Variants in GPD2 observed in about 807,000 individuals in gnomAD.
GPD2 encodes the protein glycerol-3-phosphate dehydrogenase, mitochondrial.
GPD2 carries 54 observed loss-of-function variants against 82.4 expected under a neutral mutation model. The observed-to-expected ratio is 0.66, with a 90% confidence interval of 0.53 to 0.82. The LOEUF (loss-of-function observed/expected upper bound fraction) is 0.82, where lower values mean the gene tolerates loss of function less well. GPD2 is among the 40% of genes least tolerant of loss of function. The probability of loss-of-function intolerance (pLI) is 0.00; values close to 1 mark genes in which losing one functional copy is unlikely to be tolerated. For missense variants in GPD2, 748 were observed against 896.2 expected (o/e 0.83, Z 2.11); for synonymous variants, 288 against 306.1 (o/e 0.94, Z 0.62).
intron 1 of GPD2, among the ~76,000 whole-genome samples, chr2:156,465,475 C>T (rs1389082382): frequency 1.3e-5 from 2 of 151,450 alleles, no homozygotes; most frequent in Non-Finnish European, 2.9e-5. Flanking sequence ...AATCCTCCCA[C>T]TTCAGTCTCC....
At chr2:156,504,642 G>A (rs553341112) in intron 3 of GPD2, among the ~76,000 whole-genome samples, 1 of 151,638 alleles carries the variant, frequency 6.6e-6, no homozygotes, top group African/African-American at 2.4e-5. Context: ...ATATAATCTT[G>A]CAGCACTATC....
At position 156,543,920 on chromosome 2, in the gene GPD2, A is replaced by G. The variant is rs1686425585; in HGVS notation, c.662-5688A>G. Among the ~76,000 whole-genome samples the G allele has an allele frequency of 2.0e-5, 3 of 152,226 alleles. No individual in the cohort carries two copies. The South Asian group carries it at 6.2e-4, about 31-fold the overall frequency. ...TTATAGTATTTCTATAGAAAAAAGA[A>G]TTGAGTTCCAAACATACAGTTTTGA... On this transcript the variant is annotated intron_variant, in intron 6 of 16. Coordinates refer to ENST00000438166, the MANE Select transcript of GPD2 (RefSeq NM_000408.5).
At chr2:156,574,209 T>C (rs1687737583) in intron 13 of GPD2, among the ~76,000 whole-genome samples, 1 of 141,892 alleles carries the variant, frequency 7.0e-6, no homozygotes, top group Non-Finnish European at 1.6e-5. Context: ...GGCAGGAACA[T>C]TTAGAGAAAA....
At chr2:156,409,650 T>C in the GPD2 span, among the ~76,000 whole-genome samples, 2 of 152,180 alleles carry the variant, frequency 1.3e-5, no homozygotes, top group Non-Finnish European at 2.9e-5. Flanking sequence ...CTGTGAGCTA[T>C]GATTTCACCA....
chr2:156,554,980 A>T (rs202176797), intron 8 of GPD2, among the ~76,000 whole-genome samples: 4 of 152,368 alleles, frequency 2.6e-5, no homozygotes, highest in East Asian at 3.9e-4. Flanking sequence ...ATGTCAAATG[A>T]ATCATATATA....
At chr2:156,479,990 T>C (rs564424015) in intron 2 of GPD2, among the ~76,000 whole-genome samples, 90 of 152,232 alleles carry the variant, frequency 5.9e-4, no homozygotes, top group African/African-American at 2.1e-3. Flanking sequence ...GCAGAGACAC[T>C]CTGTGGTGGT....
chr2:156,439,540 CAAAAA>C (rs869250333), intron 1 of GPD2, among the ~76,000 whole-genome samples: 1 of 71,284 alleles, frequency 1.4e-5, no homozygotes, highest in African/African-American at 5.1e-5. Flanking sequence ...AAAAAAAAAA[CAAAAA>C]AAAAAAAACA....
intron 6 of GPD2, among the ~76,000 whole-genome samples, chr2:156,534,014 C>G (rs765871265): frequency 1.6e-4 from 24 of 152,198 alleles, no homozygotes; most frequent in Non-Finnish European, 3.4e-4. Context: ...TCTTGGTACC[C>G]AGGTTCTTGT....
the GPD2 span, among the ~76,000 whole-genome samples, chr2:156,417,963 T>C: frequency 6.6e-6 from 1 of 152,216 alleles, no homozygotes; most frequent in East Asian, 1.9e-4. Flanking sequence ...ACGCCTCTAA[T>C]CTGAATACTT....
At chr2:156,480,777 T>C (rs1390003649) in intron 2 of GPD2, among the ~76,000 whole-genome samples, 1 of 150,476 alleles carries the variant, frequency 6.6e-6, no homozygotes, top group Admixed American at 6.6e-5. Flanking sequence ...TCTCTCTCTT[T>C]TTTTTTTTTT....
intron 6 of GPD2, among the ~76,000 whole-genome samples, chr2:156,528,239 C>T (rs115113579): frequency 0.01 from 1,582 of 151,992 alleles, 7 homozygotes; most frequent in Non-Finnish European, 0.012. Context: ...TGAAACATGT[C>T]TATTATATAA....
intron 13 of GPD2, among the ~76,000 whole-genome samples, 153 bp downstream of exon 13, chr2:156,571,445 A>G (rs1687638230): frequency 6.6e-6 from 1 of 152,172 alleles, no homozygotes. Flanking sequence ...CCTTAGGAAA[A>G]TGGAAAGATA....
chr2:156,455,226 A>G (rs1386296462), intron 1 of GPD2, among the ~76,000 whole-genome samples: 1 of 152,128 alleles, frequency 6.6e-6, no homozygotes. Flanking sequence ...CCTTACTCCC[A>G]GATTCATGTT....
chr2:156,404,686 CA>C, the GPD2 span, among the ~76,000 whole-genome samples: 145 of 64,374 alleles, frequency 2.3e-3, 1 homozygote, highest in Middle Eastern at 0.011. Flanking sequence ...TTAAAAATAC[CA>C]AAAAAAAAAA....
At chr2:156,572,220 G>A (rs533609262) in intron 13 of GPD2, among the ~76,000 whole-genome samples, 73 of 152,116 alleles carry the variant, frequency 4.8e-4, no homozygotes, top group African/African-American at 1.7e-3. Flanking sequence ...AGTTACTCAA[G>A]CCTAAACATT....
chr2:156,409,848 G>A, the GPD2 span, among the ~76,000 whole-genome samples: 1 of 152,148 alleles, frequency 6.6e-6, no homozygotes, highest in South Asian at 2.1e-4. Context: ...CAACATTTTG[G>A]GAGGTTGAGG....
At chr2:156,471,526 C>A (rs1683328362) in intron 1 of GPD2, among the ~76,000 whole-genome samples, 4 of 152,330 alleles carry the variant, frequency 2.6e-5, no homozygotes, top group Admixed American at 2.0e-4. Flanking sequence ...TACATCATCT[C>A]CAGCCAAACG....
At chr2:156,525,966 G>A (rs1373154588) in intron 6 of GPD2, among the ~76,000 whole-genome samples, 6 of 151,942 alleles carry the variant, frequency 3.9e-5, no homozygotes, top group Admixed American at 2.6e-4. Flanking sequence ...TTCTTTTAAC[G>A]TATGTATGCA....
Position 156,512,324 on chromosome 2 carries a change from CT to C in GPD2, c.497+11del. The C allele has an allele frequency of 7.5e-7, 1 of 1,335,538 alleles. No individual in the cohort carries two copies. Among genetic ancestry groups the C allele is most frequent in the Non-Finnish European group, 1.1e-6 (1 of 925,586 alleles). The allele number at this position is 1,335,538 out of a possible 1,614,324, so 82.7% of individuals were successfully genotyped here. ...TAATGCTTCCAGTTTACAAGTAAGC[CT>C]TTTGATATCACCTGTATGCATTTGC... On this transcript the variant is annotated splice_region_variant and intron_variant, in intron 5 of 16. Transcript: ENST00000438166.
Sources: allele counts gnomAD v4.1 joint callset (sites outside exome capture counted in the v4.1 genomes callset), GRCh38; gene constraint gnomAD v4.1.1; transcripts MANE v1.5; gene names NCBI Gene and HGNC (gene_info 2026-07-23, HGNC 2026-07-21).